The following SERINC5 variants were observed in gnomAD, a reference collection of about 807,000 sequenced individuals.
SERINC5 encodes the protein serine incorporator 5, also known as chromosome 5 open reading frame 12.
In SERINC5, 41 loss-of-function variants were observed where a neutral mutation model predicts 63.1. The observed-to-expected ratio is 0.65, with a 90% CI of 0.51 to 0.84. The LOEUF (loss-of-function observed/expected upper bound fraction) is 0.84. Ranked by LOEUF, SERINC5 falls within the 40% of genes least tolerant of loss-of-function variation. The pLI, the probability that SERINC5 is intolerant of heterozygous loss-of-function variation, is 0.00. For missense variants in SERINC5, 523 were observed against 573.0 expected (o/e 0.91, Z 0.89); for synonymous variants, 222 against 215.2 (o/e 1.03, Z -0.28).
intron 1 of SERINC5, among the ~76,000 whole-genome samples, chr5:80,247,630 G>A (rs1055813537): frequency 2.6e-5 from 4 of 152,100 alleles, no homozygotes; most frequent in Admixed American, 2.6e-4. Context: ...TACTGTTCAA[G>A]GTAAGTGACA....
At chr5:80,161,964 G>C (rs1426031783) in intron 7 of SERINC5, among the ~76,000 whole-genome samples, 1 of 152,152 alleles carries the variant, frequency 6.6e-6, no homozygotes, top group African/African-American at 2.4e-5. Flanking sequence ...TTATTGAAAA[G>C]GGTATCCTTT....
At chr5:80,159,870 G>A (rs914986264) in intron 7 of SERINC5, among the ~76,000 whole-genome samples, 7 of 152,190 alleles carry the variant, frequency 4.6e-5, no homozygotes, top group African/African-American at 7.2e-5. Context: ...CAACTGCATG[G>A]AGACAGCTCA....
intron 11 of SERINC5, among the ~76,000 whole-genome samples, chr5:80,119,563 C>T (rs758591760): frequency 1.3e-5 from 2 of 152,220 alleles, no homozygotes; most frequent in Non-Finnish European, 2.9e-5. Context: ...AATCCCTCCA[C>T]ATGACGCCAT....
In SERINC5 at chr5:80,189,494, C is replaced by T. The variant is rs114941227; in HGVS notation, c.196-11430G>A. 4.9e-3 allele frequency among the ~76,000 whole-genome samples: 741 copies of T among 152,300 alleles called. 6 individuals are homozygous for T. The highest frequency in any genetic ancestry group is 0.017 in the African/African-American group (698 of 41,566). On this transcript the variant is annotated intron_variant, in intron 2 of 11. Coordinates refer to ENST00000507668, the MANE Select transcript of SERINC5 (RefSeq NM_001174072.3). ...GAACTTTCGTTTCGGCTAGAAAATA[C>T]GGCTATGGCCCCACACAGAATACAG...
chr5:80,255,499 T>G (rs1293338195), intron 1 of SERINC5, among the ~76,000 whole-genome samples: 1 of 152,104 alleles, frequency 6.6e-6, no homozygotes, highest in Non-Finnish European at 1.5e-5. Context: ...AGACGGTGCC[T>G]AAACCCACTT....
chr5:80,143,398 A>G lies in SERINC5; in HGVS notation c.*265T>C. 1.7e-6 allele frequency: 2 copies of G among 1,178,504 alleles called. No individual in the cohort carries two copies. Among genetic ancestry groups the G allele is most frequent in the South Asian group, 3.7e-5 (1 of 27,270 alleles). 73.0% of individuals were successfully genotyped at this position (1,178,504 alleles called of 1,614,324 possible). A position where few individuals can be genotyped will look rare whatever the true frequency, so the allele number is the denominator to read the frequency against. On this transcript the variant is annotated 3_prime_UTR_variant, in exon 12 of 12. Transcript: ENST00000507668. ...GGCAAAAACATGCAGAAGGAAGTCA[A>G]CATAACTGGTATCCAGTTCCTAGGG...
chr5:80,235,920 C>T (rs192681716), intron 1 of SERINC5, among the ~76,000 whole-genome samples: 201 of 152,176 alleles, frequency 1.3e-3, no homozygotes, highest in African/African-American at 4.7e-3. Context: ...CAAGTGGATC[C>T]CTGTTCTACG....
chr5:80,224,923 GT>G lies in SERINC5; in HGVS notation c.28-21871del, dbSNP rs111805300. 4.5e-3 allele frequency among the ~76,000 whole-genome samples: 654 copies of G among 143,834 alleles called. 6 individuals carry two copies. Among genetic ancestry groups the G allele is most frequent in the African/African-American group, 0.015 (595 of 39,022 alleles). 94.4% of individuals were successfully genotyped at this position (143,834 alleles called of 152,430 possible). A position where few individuals can be genotyped will look rare whatever the true frequency, so the allele number is the denominator to read the frequency against. On this transcript the variant is annotated intron_variant, in intron 1 of 11. Transcript: ENST00000507668. ...ACAGGCGTGAGCCATCACGCCCAGC[GT>G]TTTTTTTTTTGTTTTTTTTTGTTTT...
At chr5:80,175,839 G>C (rs1747991292) in intron 4 of SERINC5, among the ~76,000 whole-genome samples, 1 of 144,476 alleles carries the variant, frequency 6.9e-6, no homozygotes, top group Non-Finnish European at 1.5e-5. Flanking sequence ...ACTCCAGCCT[G>C]GGTGACAGAG....
Position 80,158,935 on chromosome 5 carries a change from G to A in SERINC5, c.887C>T (p.Thr296Ile), listed in dbSNP as rs772974140. The A allele has an allele frequency of 6.2e-7, 1 of 1,613,742 alleles. No individual in the cohort carries two copies. The highest frequency in any genetic ancestry group is 8.5e-7 in the Non-Finnish European group (1 of 1,179,806). Residue 296 changes from threonine to isoleucine, a missense_variant, in exon 8 of 12, where the codon ACA becomes ATA. Physicochemically the swap from Thr to Ile is moderately conservative, Grantham distance 89 (BLOSUM62 -1). Transcript: ENST00000507668. ...VVLDEHGKNV[T>I]ICVPDFGQDL... ...TTGACCAAAGTCAGGCACACAGATT[G>A]TAACATTTTTCCCATGTTCATCTAG...
chr5:80,136,604 A>G (rs997720947), downstream of SERINC5, among the ~76,000 whole-genome samples: 2 of 152,334 alleles, frequency 1.3e-5, no homozygotes, highest in Admixed American at 1.3e-4. Context: ...AAATGTAGAC[A>G]AGATTACATC....
At chr5:80,221,965 G>A (rs948443696) in intron 1 of SERINC5, among the ~76,000 whole-genome samples, 1 of 151,910 alleles carries the variant, frequency 6.6e-6, no homozygotes, top group Non-Finnish European at 1.5e-5. Flanking sequence ...TGGGTTGTGG[G>A]GAGACATCAG....
intron 2 of SERINC5, among the ~76,000 whole-genome samples, chr5:80,181,842 A>T (rs1425974372): frequency 2.6e-5 from 4 of 152,314 alleles, no homozygotes; most frequent in Admixed American, 6.5e-5. Flanking sequence ...TCTGCCCCGA[A>T]GGCTCTGCCC....
intron 8 of SERINC5, 141 bp downstream of exon 8, chr5:80,158,695 A>C: frequency 2.7e-6 from 2 of 732,048 alleles, no homozygotes; most frequent in South Asian, 2.1e-5. Flanking sequence ...ATATGAGTTC[A>C]CGCTCTTCGC....
At chr5:80,123,624 C>G (rs1001736881) in intron 11 of SERINC5, among the ~76,000 whole-genome samples, 4 of 152,154 alleles carry the variant, frequency 2.6e-5, no homozygotes, top group Non-Finnish European at 5.9e-5. Context: ...GATCCAGCTC[C>G]CCATCTCACC....
At chr5:80,159,947 C>T (rs1186433344) in intron 7 of SERINC5, among the ~76,000 whole-genome samples, 1 of 152,088 alleles carries the variant, frequency 6.6e-6, no homozygotes, top group East Asian at 1.9e-4. Flanking sequence ...TTTAAAATAT[C>T]CTTTGTAATA....
At chr5:80,164,572 CA>C (rs1580093592) in intron 7 of SERINC5, among the ~76,000 whole-genome samples, 1 of 151,794 alleles carries the variant, frequency 6.6e-6, no homozygotes, top group East Asian at 1.9e-4. Flanking sequence ...TTTGTAGGGA[CA>C]GGGTTTCACC....
intron 1 of SERINC5, among the ~76,000 whole-genome samples, chr5:80,209,346 G>T (rs183652251): frequency 6.7e-6 from 1 of 149,964 alleles, no homozygotes; most frequent in East Asian, 2.0e-4. Flanking sequence ...TCTAAGAAGA[G>T]GAGGACACAC....
chr5:80,113,837 C>A (rs1427612791), intron 11 of SERINC5, among the ~76,000 whole-genome samples: 1 of 151,916 alleles, frequency 6.6e-6, no homozygotes, highest in Admixed American at 6.6e-5. Context: ...GGGGACACAG[C>A]CAAACTATAT....
Sources: gnomAD v4.1 joint callset for allele counts (sites outside exome capture counted in the v4.1 genomes callset) on GRCh38, gnomAD v4.1.1 for gene constraint, MANE v1.5 for transcripts, NCBI Gene and HGNC (gene_info 2026-07-23, HGNC 2026-07-21) for gene names.